Variants in LMBRD1 observed in about 807,000 individuals in gnomAD.
The protein encoded by LMBRD1 is LMBR1 domain containing 1.
LMBRD1 carries 64 observed loss-of-function variants against 74.8 expected under a neutral mutation model. The ratio of observed to expected loss-of-function variants is 0.86; its 90% CI spans 0.70 to 1.05. LMBRD1 has a LOEUF of 1.05. Ranked by LOEUF, LMBRD1 falls within the 50% of genes least tolerant of loss-of-function variation. LMBRD1 has a pLI of 0.00. For synonymous variants in LMBRD1, 204 were observed against 216.3 expected, an observed-to-expected ratio of 0.94 and a Z score of 0.50; for missense variants, 652 against 645.9, an observed-to-expected ratio of 1.01 and a Z score of -0.10.
intron 1 of LMBRD1, among the ~76,000 whole-genome samples, chr6:69,793,718 CTTTTTT>C (rs34341228): frequency 1.0e-5 from 1 of 96,030 alleles, no homozygotes; most frequent in South Asian, 4.0e-4. Context: ...TGTCCTGAAT[CTTTTTT>C]TTTTTTTTTT....
chr6:69,772,105 T>C (rs910640520), intron 3 of LMBRD1, among the ~76,000 whole-genome samples: 6 of 152,214 alleles, frequency 3.9e-5, no homozygotes, highest in African/African-American at 1.4e-4. Flanking sequence ...AAATTTGAGA[T>C]GTCTTTGATT....
chr6:69,795,125 G>A (rs9354891), intron 1 of LMBRD1, among the ~76,000 whole-genome samples: 52,380 of 152,084 alleles, frequency 0.34, 9,946 homozygotes, highest in East Asian at 0.54. Context: ...AATGTAGAAG[G>A]CAACAAAAGA....
At chr6:69,746,210 G>A (rs1193025455) in intron 5 of LMBRD1, 1 of 153,480 alleles carries the variant, frequency 6.5e-6, no homozygotes, top group Non-Finnish European at 1.5e-5. Flanking sequence ...ACTTAAAGCA[G>A]GGAACCAAAA....
chr6:69,795,306 A>C (rs1011347244), intron 1 of LMBRD1, among the ~76,000 whole-genome samples: 3 of 152,172 alleles, frequency 2.0e-5, no homozygotes, highest in Non-Finnish European at 4.4e-5. Context: ...TCCAAACTCT[A>C]CCACAATTCT....
intron 14 of LMBRD1, among the ~76,000 whole-genome samples, chr6:69,689,638 T>G (rs999580037): frequency 6.6e-6 from 1 of 152,128 alleles, no homozygotes; most frequent in Non-Finnish European, 1.5e-5. Flanking sequence ...AAAGCAAGCA[T>G]ACAACTATGT....
chr6:69,774,916 G>A (rs1056306627), intron 3 of LMBRD1, among the ~76,000 whole-genome samples: 11 of 141,322 alleles, frequency 7.8e-5, no homozygotes, highest in South Asian at 4.7e-4. Flanking sequence ...CTATGATCAC[G>A]CCACCGCACT....
At chr6:69,709,630 A>G (rs965165392) in intron 9 of LMBRD1, among the ~76,000 whole-genome samples, 1 of 152,234 alleles carries the variant, frequency 6.6e-6, no homozygotes, top group African/African-American at 2.4e-5. Context: ...ACTGTCTTTT[A>G]GCAGCTGATA....
chr6:69,710,756 CA>C (rs1408195550), intron 9 of LMBRD1, among the ~76,000 whole-genome samples: 10 of 151,996 alleles, frequency 6.6e-5, no homozygotes, highest in Non-Finnish European at 5.9e-5. Flanking sequence ...AAATGCAAAG[CA>C]AAACTGTGAG....
At position 69,675,036 on chromosome 6, in the gene LMBRD1, T is replaced by C. The variant is rs536021486; in HGVS notation, c.*1122A>G. Among the ~76,000 whole-genome samples, 1 of 152,114 alleles carries C rather than the reference T, an allele frequency of 6.6e-6. No homozygotes were observed. The highest frequency in any genetic ancestry group is 1.5e-5 in the Non-Finnish European group (1 of 67,964). On this transcript the variant is annotated 3_prime_UTR_variant, in exon 16 of 16. Coordinates refer to ENST00000649934, the MANE Select transcript of LMBRD1 (RefSeq NM_018368.4). The stretch of plus-strand genomic sequence containing the variant: ...AAGGGAATGAAATCCTGGTGAATAA[T>C]GCTAAAGGGTAGTTGCAGAAGCAGA...
At chr6:69,730,246 T>C (rs925957973) in intron 7 of LMBRD1, among the ~76,000 whole-genome samples, 3 of 152,152 alleles carry the variant, frequency 2.0e-5, no homozygotes, top group African/African-American at 7.2e-5. Context: ...GCACGTTTTC[T>C]TTACATATCT....
intron 3 of LMBRD1, among the ~76,000 whole-genome samples, chr6:69,754,811 A>G (rs1765235480): frequency 6.6e-6 from 1 of 152,254 alleles, no homozygotes; most frequent in African/African-American, 2.4e-5. Flanking sequence ...GAAGACATTT[A>G]TGCAGCCAAC....
At chr6:69,750,578 A>C (rs1335799945) in intron 4 of LMBRD1, among the ~76,000 whole-genome samples, 2 of 152,154 alleles carry the variant, frequency 1.3e-5, no homozygotes, top group Non-Finnish European at 2.9e-5. Context: ...TGTTTCACAT[A>C]GTTCTTATTC....
chr6:69,700,851 T>C lies in LMBRD1; in HGVS notation c.1102A>G (p.Ile368Val). 1 of 1,438,624 alleles carries C rather than the reference T, an allele frequency of 7.0e-7. No individual in the cohort carries two copies. Among genetic ancestry groups the C allele is most frequent in the South Asian group, 1.3e-5 (1 of 78,608 alleles). 89.1% of individuals were successfully genotyped at this position (1,438,624 alleles called of 1,614,324 possible). A position where few individuals can be genotyped will look rare whatever the true frequency, so the allele number is the denominator to read the frequency against. ...LLQTVFPLDY[I>V]LITIIIMYFI... Reference sequence around the variant, plus strand: ...TACATAATAATAATTGTTATAAGAATATAATCAAGAGGGAAAACCTGAAAA... The same window carrying C: ...TACATAATAATAATTGTTATAAGAACATAATCAAGAGGGAAAACCTGAAAA... Residue 368 changes from isoleucine to valine, a missense_variant, in exon 12 of 16, where the codon ATT becomes GTT. Around this residue, in one of 3 missense-constraint regions of LMBRD1, gnomAD observed 598 missense variants for 581.8 expected, o/e 1.03. Transcript: ENST00000649934.
At chr6:69,769,929 C>T (rs1219227290) in intron 3 of LMBRD1, among the ~76,000 whole-genome samples, 1 of 152,150 alleles carries the variant, frequency 6.6e-6, no homozygotes, top group South Asian at 2.1e-4. Flanking sequence ...TGCCAATGAA[C>T]CTGCATATTG....
At chr6:69,789,529 C>T (rs1766033777) in intron 2 of LMBRD1, among the ~76,000 whole-genome samples, 1 of 149,636 alleles carries the variant, frequency 6.7e-6, no homozygotes, top group South Asian at 2.1e-4. Flanking sequence ...TCTATCTCAA[C>T]AAAATAAAAA....
At chr6:69,727,258 G>A (rs1259749957) in intron 7 of LMBRD1, among the ~76,000 whole-genome samples, 1 of 152,202 alleles carries the variant, frequency 6.6e-6, no homozygotes, top group East Asian at 1.9e-4. Flanking sequence ...TACCGAATTT[G>A]CCATGATGTG....
chr6:69,724,261 T>C (rs1417081889), intron 7 of LMBRD1, among the ~76,000 whole-genome samples: 5 of 149,588 alleles, frequency 3.3e-5, no homozygotes, highest in Non-Finnish European at 7.4e-5. Context: ...ATATCAGTCC[T>C]ACTCAAACTG....
intron 5 of LMBRD1, among the ~76,000 whole-genome samples, chr6:69,745,229 C>T (rs563984835): frequency 3.3e-5 from 5 of 151,320 alleles, no homozygotes; most frequent in East Asian, 3.9e-4. Context: ...TTACAATTAC[C>T]GGGTAGGACA....
intron 3 of LMBRD1, among the ~76,000 whole-genome samples, chr6:69,764,456 T>C (rs1765438739): frequency 2.0e-5 from 3 of 152,136 alleles, no homozygotes. Flanking sequence ...CTATGAGAAA[T>C]ACATGTTCGT....
Sources: allele counts gnomAD v4.1 joint callset (sites outside exome capture counted in the v4.1 genomes callset), GRCh38; gene constraint gnomAD v4.1.1; regional missense constraint gnomAD v4.1.1; transcripts MANE v1.5; gene names NCBI Gene and HGNC (gene_info 2026-07-23, HGNC 2026-07-21).